TJP1: variants seen among roughly 807,000 people sequenced by gnomAD.
TJP1 encodes tight junction protein 1, also known as tight junction protein ZO-1.
A neutral mutation model predicts 194.2 loss-of-function variants in TJP1; 43 were observed. The observed-to-expected ratio is 0.22, with a 90% CI of 0.17 to 0.29. TJP1 has a LOEUF of 0.29. Among genes scored for constraint, TJP1 ranks in the 10% least tolerant of loss-of-function variants. The pLI is 1.00. For missense variants in TJP1, 1,971 were observed against 2,185.7 expected (o/e 0.90, Z 1.96); for synonymous variants, 801 against 779.0 (o/e 1.03, Z -0.47).
At chr15:29,956,095 A>T in intron 2 of TJP1, 1 of 679,290 alleles carries the variant, frequency 1.5e-6, no homozygotes. Flanking sequence ...TCTGGTTGGT[A>T]AACTGTTGGG....
chr15:29,907,164 C>G (rs1048506311), intron 2 of TJP1, among the ~76,000 whole-genome samples: 58 of 151,982 alleles, frequency 3.8e-4, no homozygotes, highest in African/African-American at 1.3e-3. Flanking sequence ...AATCCCAGCA[C>G]TTTGGGAGGT....
chr15:29,835,499 T>C (rs933901708), intron 2 of TJP1, among the ~76,000 whole-genome samples: 2 of 152,090 alleles, frequency 1.3e-5, no homozygotes, highest in Non-Finnish European at 2.9e-5. Flanking sequence ...AGCAAGGAAC[T>C]GGTGCCTAAA....
chr15:29,895,654 T>C (rs1459651032), intron 2 of TJP1, among the ~76,000 whole-genome samples: 1 of 152,096 alleles, frequency 6.6e-6, no homozygotes, highest in Admixed American at 6.5e-5. Flanking sequence ...CCCTTTAGGG[T>C]CCATTCACAG....
chr15:29,905,597 T>A (rs2053781371), intron 2 of TJP1, among the ~76,000 whole-genome samples: 1 of 152,210 alleles, frequency 6.6e-6, no homozygotes, highest in Non-Finnish European at 1.5e-5. Flanking sequence ...TGCCAAAACC[T>A]GGGAGTAACC....
intron 2 of TJP1, among the ~76,000 whole-genome samples, chr15:29,829,974 C>T (rs1229142163): frequency 6.6e-6 from 1 of 151,172 alleles, no homozygotes; most frequent in Non-Finnish European, 1.5e-5. Context: ...CCCTATAAAC[C>T]ACTTTGGCTC....
At chr15:29,771,041 G>A (rs1013949583) in intron 4 of TJP1, among the ~76,000 whole-genome samples, 4 of 152,086 alleles carry the variant, frequency 2.6e-5, no homozygotes, top group African/African-American at 9.7e-5. Flanking sequence ...CATAGTAAGT[G>A]CACTAAACAG....
At chr15:29,763,778 A>AAT (rs2046159670) in intron 5 of TJP1, among the ~76,000 whole-genome samples, 1 of 151,772 alleles carries the variant, frequency 6.6e-6, no homozygotes, top group Non-Finnish European at 1.5e-5. Context: ...AAAAAAAAAA[A>AAT]AAAAAATTAC....
At chr15:29,717,609 A>G (rs1387290768) in intron 22 of TJP1, among the ~76,000 whole-genome samples, 3 of 152,216 alleles carry the variant, frequency 2.0e-5, no homozygotes, top group Non-Finnish European at 4.4e-5. Context: ...TGTGCTTAGC[A>G]CAAGGGCAAG....
In TJP1 at chr15:29,701,523, C is replaced by T. The variant is rs2041539717; in HGVS notation, c.*72G>A. ...TATCAACTCTAAAAAAGGTATAATA[C>T]TTGATAGAGTGGTTCCATTTAGATT... On this transcript the variant is annotated 3_prime_UTR_variant, in exon 28 of 28. Coordinates refer to ENST00000614355, the MANE Select transcript of TJP1 (RefSeq NM_001330239.4). 7.9e-7 allele frequency: 1 copy of T among 1,266,988 alleles called. No individual in the cohort carries two copies. The highest frequency in any genetic ancestry group is 1.8e-5 in the Admixed American group (1 of 55,654). 78.5% of individuals were successfully genotyped at this position (1,266,988 alleles called of 1,614,324 possible).
intron 2 of TJP1, among the ~76,000 whole-genome samples, chr15:29,939,931 C>A (rs1035898186): frequency 6.6e-6 from 1 of 152,154 alleles, no homozygotes; most frequent in Non-Finnish European, 1.5e-5. Flanking sequence ...TATAACCCCC[C>A]AACCCCCCAG....
intron 25 of TJP1, among the ~76,000 whole-genome samples, chr15:29,707,317 G>A (rs1216970763): frequency 1.3e-5 from 2 of 152,178 alleles, no homozygotes; most frequent in East Asian, 1.9e-4. Flanking sequence ...AAAGACCAAC[G>A]AAACAGAATT....
At chr15:29,905,390 A>G (rs1001749013) in intron 2 of TJP1, among the ~76,000 whole-genome samples, 46 of 152,234 alleles carry the variant, frequency 3.0e-4, no homozygotes, top group Non-Finnish European at 2.9e-5. Context: ...AAAATTTAAA[A>G]TAAGTCAAAA....
chr15:29,915,546 T>C (rs1047080114), intron 2 of TJP1, among the ~76,000 whole-genome samples: 3 of 152,250 alleles, frequency 2.0e-5, no homozygotes, highest in Non-Finnish European at 4.4e-5. Flanking sequence ...GTGATGTAGA[T>C]TTAGCTTTAC....
chr15:29,961,397 G>C (rs986577296), intron 1 of TJP1, among the ~76,000 whole-genome samples: 1 of 130,550 alleles, frequency 7.7e-6, no homozygotes, highest in Non-Finnish European at 1.5e-5. Context: ...GCCGGACTGC[G>C]GACTGCAGTG....
At chr15:29,804,713 T>C (rs572444017) in intron 1 of TJP1, among the ~76,000 whole-genome samples, 1 of 152,294 alleles carries the variant, frequency 6.6e-6, no homozygotes, top group South Asian at 2.1e-4. Flanking sequence ...ATTTCAAACA[T>C]GCACAAGGGA....
intron 2 of TJP1, among the ~76,000 whole-genome samples, chr15:29,783,112 A>AGGT (rs987789832): frequency 1.3e-5 from 2 of 152,008 alleles, no homozygotes; most frequent in Non-Finnish European, 2.9e-5. Flanking sequence ...CATCTCTACT[A>AGGT]AAAGTACAAA....
chr15:29,717,550 G>C (rs766952729), intron 22 of TJP1, among the ~76,000 whole-genome samples: 5 of 152,040 alleles, frequency 3.3e-5, no homozygotes, highest in Non-Finnish European at 7.4e-5. Context: ...CAGCCTCAGT[G>C]TCTCTCTCTA....
rs1182336940 is a variant in TJP1, at chr15:29,708,859, TGA to T, written c.4548_4549del (p.Gln1517GlufsTer23). On this transcript the variant is annotated frameshift_variant, in exon 25 of 28. Coordinates refer to ENST00000614355, the MANE Select transcript of TJP1 (RefSeq NM_001330239.4). LOFTEE classifies it high-confidence loss of function. Reference sequence around the variant, plus strand: ...ATTGTATGCTGGAGTGACTGTTTTCTGAGTCTGTTCAGTTCCATTAACTGGGG... The same window carrying T: ...ATTGTATGCTGGAGTGACTGTTTTCTGTCTGTTCAGTTCCATTAACTGGGG... The T allele has an allele frequency of 8.7e-6, 14 of 1,614,214 alleles. No homozygotes were observed. The highest frequency in any genetic ancestry group is 1.2e-5 in the Non-Finnish European group (14 of 1,180,032).
At chr15:29,874,828 T>C (rs982510011) in intron 2 of TJP1, among the ~76,000 whole-genome samples, 3 of 152,226 alleles carry the variant, frequency 2.0e-5, no homozygotes, top group South Asian at 4.1e-4. Flanking sequence ...AATTGACAAA[T>C]GTCACACAAA....
Sources: allele counts gnomAD v4.1 joint callset (sites outside exome capture counted in the v4.1 genomes callset), GRCh38; gene constraint gnomAD v4.1.1; transcripts MANE v1.5; gene names NCBI Gene and HGNC (gene_info 2026-07-23, HGNC 2026-07-21).